Variants in SEZ6L2 observed in about 807,000 individuals in gnomAD.
SEZ6L2 encodes seizure 6-like protein 2.
In SEZ6L2, 44 loss-of-function variants were observed where a neutral mutation model predicts 97.0. The observed-to-expected ratio is 0.45, with a 90% CI of 0.36 to 0.58. The LOEUF (loss-of-function observed/expected upper bound fraction) is 0.58, where lower values mean the gene tolerates loss of function less well. Among genes scored for constraint, SEZ6L2 ranks in the 20% least tolerant of loss-of-function variants. The pLI, the probability that SEZ6L2 is intolerant of heterozygous loss-of-function variation, is 0.00. For missense variants in SEZ6L2, 1,086 were observed against 1,233.3 expected, an observed-to-expected ratio of 0.88 and a Z score of 1.79; for synonymous variants, 543 against 546.1, an observed-to-expected ratio of 0.99 and a Z score of 0.08.
In SEZ6L2 at chr16:29,876,614, G is replaced by A. The variant is rs1184045365; in HGVS notation, c.2104+142C>T. 5.4e-6 allele frequency: 4 copies of A among 734,564 alleles called. No homozygotes were observed. The highest frequency in any genetic ancestry group is 5.3e-5 in the African/African-American group (3 of 56,188). 45.5% of individuals were successfully genotyped at this position (734,564 alleles called of 1,614,324 possible). On this transcript the variant is annotated intron_variant, in intron 12 of 17. Coordinates refer to ENST00000617533, the MANE Select transcript of SEZ6L2 (RefSeq NM_001243332.2). This position sits in a 1 kb window ranked among gnomAD's most constrained non-coding sequence, Gnocchi z 6.5. ...AGGAGTGAGAACTAAAGGGCATGGG[G>A]GCAGGCCTTGAAGAAGATCCAGGAA... is the stretch of plus-strand genomic sequence containing the variant.
chr16:29,872,115 G>C, intron 17 of SEZ6L2, 72 bp downstream of exon 17: 1 of 1,224,618 alleles, frequency 8.2e-7, no homozygotes, highest in Non-Finnish European at 1.2e-6. Context: ...AGATTCCAGA[G>C]ACCTTGCGAG....
intron 5 of SEZ6L2, among the ~76,000 whole-genome samples, chr16:29,889,285 GAAAAT>G (rs2068217924): frequency 6.6e-6 from 1 of 151,946 alleles, no homozygotes; most frequent in African/African-American, 2.4e-5. Flanking sequence ...TAAAAAATAC[GAAAAT>G]TAGCCAGGCG....
In SEZ6L2 at chr16:29,897,041, G is replaced by C; in HGVS notation, c.292C>G (p.Pro98Ala). The part of the protein sequence containing the change: ...AVPSLPRATE[P>A]GTGPLTTAVT... Reference sequence around the variant, plus strand: ...GCTGTTGTCAGAGGCCCTGTCCCCGGCTCAGTGGCCCGTGGCAGGGAGGGC... The same window carrying C: ...GCTGTTGTCAGAGGCCCTGTCCCCGCCTCAGTGGCCCGTGGCAGGGAGGGC... The change falls in exon 3 of 18, where the codon CCG (proline) becomes GCG (alanine). Residue 98 changes from proline to alanine, a missense_variant. Pro to Ala is a conservative substitution (Grantham distance 27, BLOSUM62 -1). Transcript: ENST00000617533. The C allele has an allele frequency of 6.3e-7, 1 of 1,580,794 alleles. No homozygotes were observed. The highest frequency in any genetic ancestry group is 1.8e-4 in the Middle Eastern group (1 of 5,482).
intron 12 of SEZ6L2, among the ~76,000 whole-genome samples, chr16:29,875,324 T>TG: frequency 6.6e-6 from 1 of 152,208 alleles, no homozygotes; most frequent in East Asian, 1.9e-4. Context: ...GTCACAGCCA[T>TG]GGAGCACTGG....
In SEZ6L2 at chr16:29,877,302, G is replaced by T; in HGVS notation, c.1878C>A (p.Gly626=). The T allele has an allele frequency of 6.2e-7, 1 of 1,609,340 alleles. No homozygotes were observed. The highest frequency in any genetic ancestry group is 8.5e-7 in the Non-Finnish European group (1 of 1,177,756). ...AGTGCAATACGAAGCCCTGGCCCAG[G>T]CCTGGATTTGGGGGCCCGGGCGGTG... ...FQAPPGPPNP[G]LGQGFVLHFK... The change falls in exon 11 of 18, where the codon GGC becomes GGA. Residue 626 remains glycine, a synonymous_variant. Transcript: ENST00000617533.
chr16:29,896,427 G>T (rs1238556339), intron 3 of SEZ6L2, among the ~76,000 whole-genome samples: 1 of 152,094 alleles, frequency 6.6e-6, no homozygotes, highest in Non-Finnish European at 1.5e-5. Context: ...TTACAGGCAT[G>T]CGCCACCACG....
At position 29,873,303 on chromosome 16, in the gene SEZ6L2, C is replaced by T. The variant is rs1213189284; in HGVS notation, c.2425G>A (p.Val809Ile). The T allele has an allele frequency of 5.6e-6, 9 of 1,614,206 alleles. No homozygotes were observed. Among genetic ancestry groups the T allele is most frequent in the East Asian group, 2.2e-5 (1 of 44,888 alleles). ...TGGCCGGGCACACAGGTGATGGTGACCTCGCCGATAAGCTCAAAGCCCTCA... is the reference window on the plus strand; with the variant it reads ...TGGCCGGGCACACAGGTGATGGTGATCTCGCCGATAAGCTCAAAGCCCTCA... ...CYEGFELIGE[V>I]TITCVPGHPS... The change falls in exon 14 of 18, where the codon GTC (valine) becomes ATC (isoleucine). Residue 809 changes from valine (V) to isoleucine (I), a missense_variant. Physicochemically the swap from Val to Ile is conservative, Grantham distance 29. Transcript: ENST00000617533. This position sits in a 1 kb window ranked among gnomAD's most constrained non-coding sequence, Gnocchi z 4.3.
At chr16:29,872,628 G>A in intron 15 of SEZ6L2, 77 bp downstream of exon 15, 1 of 1,599,786 alleles carries the variant, frequency 6.3e-7, no homozygotes, top group Non-Finnish European at 8.5e-7. Flanking sequence ...TCCCTCCAAG[G>A]CCTGGCCTCC....
chr16:29,894,776 G>C (rs1344718661), intron 5 of SEZ6L2, among the ~76,000 whole-genome samples: 1 of 152,146 alleles, frequency 6.6e-6, no homozygotes, highest in African/African-American at 2.4e-5. Context: ...AGATCTGTGA[G>C]TGTGTGAGAT....
Position 29,872,544 on chromosome 16 carries a change from GC to G in SEZ6L2, c.2528-19del, listed in dbSNP as rs1567408749. 9.9e-6 allele frequency: 16 copies of G among 1,611,834 alleles called. No homozygotes were observed. The highest frequency in any genetic ancestry group is 1.4e-5 in the Non-Finnish European group (16 of 1,178,240). ...CTGGGTCACTACAGGAGGAGGAGAG[GC>G]CGGTGAGCTGTGGCTGGGCCCGGTC... is the stretch of plus-strand genomic sequence containing the variant. On this transcript the variant is annotated intron_variant, in intron 15 of 17. Transcript: ENST00000617533.
chr16:29,878,756 C>T (rs79627894), intron 9 of SEZ6L2, among the ~76,000 whole-genome samples: 1 of 141,028 alleles, frequency 7.1e-6, no homozygotes, highest in African/African-American at 2.7e-5. Flanking sequence ...ATTTTTTTTT[C>T]TTTTTTCTTT....
rs745506599 is a variant in SEZ6L2 at position 29,887,738 on chromosome 16, G to T, written c.1119C>A (p.Asn373Lys). 1 of 1,613,610 alleles carries T rather than the reference G, an allele frequency of 6.2e-7. No homozygotes were observed. Among genetic ancestry groups the T allele is most frequent in the Non-Finnish European group, 8.5e-7 (1 of 1,179,762 alleles). ...CTTCAATGACCCAACGGCAGGTGAG[G>T]TTGGGCCCTACGGCTCCCCCAGGCT... ...SPEPGGAVGP[N>K]LTCRWVIEAA... Residue 373 changes from asparagine to lysine, a missense_variant, in exon 7 of 18, where the codon AAC becomes AAA. Asn to Lys is a moderately conservative substitution (Grantham distance 94). This residue lies in a region of SEZ6L2 where 776 missense variants were observed against 794.7 expected (regional missense o/e 0.98). Transcript: ENST00000617533.
chr16:29,872,446 TG>T lies in SEZ6L2; in HGVS notation c.2607del (p.Ile870LeufsTer165). ...ALAILLPLGLVIVLGSGVYIY... is the reference protein window; with the variant it reads ...ALAILLPLGLXIVLGSGVYIY... ...ATGTAAACGCCACTGCCGAGGACAA[TG>T]ACCAAGCCTAGAGGCAGCAGGATGG... On this transcript the variant is annotated frameshift_variant, in exon 16 of 18. Transcript: ENST00000617533. LOFTEE classifies it high-confidence loss of function. The T allele has an allele frequency of 6.2e-7, 1 of 1,614,178 alleles. No homozygotes were observed. Among genetic ancestry groups the T allele is most frequent in the Non-Finnish European group, 8.5e-7 (1 of 1,180,020 alleles).
At chr16:29,874,387 T>G (rs2067853707) in intron 12 of SEZ6L2, among the ~76,000 whole-genome samples, 1 of 152,046 alleles carries the variant, frequency 6.6e-6, no homozygotes, top group African/African-American at 2.4e-5. Context: ...ATTCTCATTA[T>G]GCCCAGCCCA....
intron 14 of SEZ6L2, among the ~76,000 whole-genome samples, chr16:29,872,955 T>C (rs2067817938): frequency 6.6e-6 from 1 of 152,228 alleles, no homozygotes; most frequent in Non-Finnish European, 1.5e-5. Flanking sequence ...TCAGGGTTCC[T>C]GGACAGTCTG....
intron 2 of SEZ6L2, 149 bp downstream of exon 2, chr16:29,897,704 G>C: frequency 1.0e-6 from 1 of 963,798 alleles, no homozygotes; most frequent in South Asian, 1.9e-5. Flanking sequence ...TGACAGTCTC[G>C]TTCTGTGTTC....
At chr16:29,898,861 C>A (rs1237471531) in intron 1 of SEZ6L2, 80 bp downstream of exon 1, 9 of 1,119,026 alleles carry the variant, frequency 8.0e-6, no homozygotes, top group Non-Finnish European at 9.1e-6. Flanking sequence ...TCGGAAGACC[C>A]AGGATATTAA....
At chr16:29,887,472 T>A (rs1167971181) in intron 7 of SEZ6L2, among the ~76,000 whole-genome samples, 177 bp downstream of exon 7, 5 of 150,104 alleles carry the variant, frequency 3.3e-5, no homozygotes, top group African/African-American at 1.2e-4. Context: ...GGCTAATTTT[T>A]TTTTTTTTTT....
intron 5 of SEZ6L2, among the ~76,000 whole-genome samples, chr16:29,892,929 G>A (rs1240809615): frequency 1.3e-5 from 2 of 152,192 alleles, no homozygotes; most frequent in African/African-American, 2.4e-5. Flanking sequence ...TCTGTCATAG[G>A]TCCTAACAAA....
Sources: gnomAD v4.1 joint callset for allele counts (sites outside exome capture counted in the v4.1 genomes callset) on GRCh38, gnomAD v4.1.1 for gene constraint, gnomAD v4.1.1 regional missense constraint, Gnocchi (gnomAD v3.1) non-coding constraint, MANE v1.5 for transcripts, NCBI Gene and HGNC (gene_info 2026-07-23, HGNC 2026-07-21) for gene names.